Variants in CDC14A observed in about 807,000 individuals in gnomAD.
The protein encoded by CDC14A is cell division cycle 14A, also known as dual specificity protein phosphatase CDC14A.
Under a neutral mutation model 74.4 loss-of-function variants are expected in CDC14A, and 53 were observed. The observed-to-expected ratio is 0.71, with a 90% CI of 0.57 to 0.89. The LOEUF (loss-of-function observed/expected upper bound fraction) is 0.89. CDC14A is among the 40% of genes least tolerant of loss of function. The pLI is 0.00. For synonymous variants in CDC14A, 247 were observed against 258.4 expected, an observed-to-expected ratio of 0.96 and a Z score of 0.43; for missense variants, 646 against 713.7, an observed-to-expected ratio of 0.91 and a Z score of 1.08.
chr1:100,510,000 T>A (rs1340491883), intron 15 of CDC14A, among the ~76,000 whole-genome samples: 10 of 152,238 alleles, frequency 6.6e-5, no homozygotes, highest in Non-Finnish European at 1.3e-4. Flanking sequence ...CTCCTGAATC[T>A]TTATGGTTAA....
At chr1:100,370,136 A>G (rs1050341297) in intron 2 of CDC14A, among the ~76,000 whole-genome samples, 1 of 151,992 alleles carries the variant, frequency 6.6e-6, no homozygotes, top group Non-Finnish European at 1.5e-5. Context: ...GGCATGCACT[A>G]CCACACCCAG....
intron 3 of CDC14A, among the ~76,000 whole-genome samples, chr1:100,388,324 C>T (rs1013209475): frequency 3.9e-5 from 6 of 152,156 alleles, no homozygotes; most frequent in African/African-American, 1.4e-4. Context: ...ACCAACCAAC[C>T]ACCCAACAGA....
chr1:100,491,878 C>CTTTTTTTTT (rs1553196630), intron 11 of CDC14A, among the ~76,000 whole-genome samples: 129,172 of 141,930 alleles, frequency 0.91, 59,523 homozygotes, highest in Non-Finnish European at 0.98. Context: ...AGCCAGATAC[C>CTTTTTTTTT]TTTTTTTGAG....
rs1662668067 is a variant in CDC14A, at chr1:100,424,061, A to G, written c.310-161A>G. The G allele has an allele frequency of 6.7e-6, 4 of 598,640 alleles. No homozygotes were observed. In the Admixed American group the frequency reaches 7.8e-5, roughly 12 times the overall value. The allele number at this position is 598,640 out of a possible 1,614,324, so 37.1% of individuals were successfully genotyped here. Reference sequence around the variant, plus strand: ...AAGACAAAGGCTGCTGCGCAGCTTCATGCTGAAAAGGAAATGTTGGCAAGT... The same window carrying G: ...AAGACAAAGGCTGCTGCGCAGCTTCGTGCTGAAAAGGAAATGTTGGCAAGT... On this transcript the variant is annotated intron_variant, in intron 4 of 15. Transcript: ENST00000336454.
chr1:100,414,726 A>T (rs1222646324), intron 4 of CDC14A, among the ~76,000 whole-genome samples: 1 of 152,126 alleles, frequency 6.6e-6, no homozygotes, highest in African/African-American at 2.4e-5. Flanking sequence ...TTATATAAGG[A>T]CTACCTTTTG....
intron 2 of CDC14A, chr1:100,362,995 G>A (rs1242879185): frequency 6.6e-6 from 1 of 152,272 alleles, no homozygotes; most frequent in Non-Finnish European, 1.5e-5. Context: ...ACCGCAACAG[G>A]TTTTATAGTC....
intron 15 of CDC14A, among the ~76,000 whole-genome samples, chr1:100,506,807 T>C (rs949946423): frequency 1.3e-5 from 2 of 152,210 alleles, no homozygotes; most frequent in South Asian, 4.1e-4. Flanking sequence ...ACTAGGTCAA[T>C]AGAAAAGAGT....
chr1:100,384,080 G>C (rs1656518735), intron 3 of CDC14A, among the ~76,000 whole-genome samples: 1 of 152,118 alleles, frequency 6.6e-6, no homozygotes, highest in Admixed American at 6.5e-5. Flanking sequence ...CTCTCTCCAA[G>C]TTGCTGTGGC....
intron 8 of CDC14A, among the ~76,000 whole-genome samples, chr1:100,460,462 A>G (rs1249413520): frequency 2.6e-5 from 4 of 152,156 alleles, no homozygotes; most frequent in East Asian, 1.9e-4. Flanking sequence ...CAGGCATGCT[A>G]GCAACCCAGA....
upstream of CDC14A, chr1:100,351,627 TC>T: frequency 1.2e-6 from 1 of 827,074 alleles, no homozygotes; most frequent in Non-Finnish European, 1.9e-6. Context: ...TCCTGTTCCC[TC>T]CGCGCCCGCC....
At chr1:100,513,573 T>C (rs1649961897) in intron 15 of CDC14A, among the ~76,000 whole-genome samples, 1 of 152,204 alleles carries the variant, frequency 6.6e-6, no homozygotes, top group Non-Finnish European at 1.5e-5. Flanking sequence ...TTACATTCAT[T>C]TGCTGTCAAG....
chr1:100,473,842 C>T (rs1224521085), intron 10 of CDC14A, among the ~76,000 whole-genome samples: 2 of 152,056 alleles, frequency 1.3e-5, no homozygotes, highest in Non-Finnish European at 2.9e-5. Context: ...CCTTGTGTTT[C>T]CTTTTCTTCC....
chr1:100,378,652 A>G (rs1381671553), intron 3 of CDC14A, among the ~76,000 whole-genome samples: 1 of 152,244 alleles, frequency 6.6e-6, no homozygotes, highest in Non-Finnish European at 1.5e-5. Context: ...ACATGGAATT[A>G]TACCAAAAAG....
chr1:100,357,804 C>T (rs953455086), intron 2 of CDC14A, among the ~76,000 whole-genome samples: 5 of 150,780 alleles, frequency 3.3e-5, no homozygotes, highest in Non-Finnish European at 7.4e-5. Context: ...ACCTTAGAAG[C>T]GATTGTTTTT....
intron 4 of CDC14A, chr1:100,393,613 CT>C: frequency 1.5e-6 from 1 of 670,394 alleles, no homozygotes; most frequent in Non-Finnish European, 2.8e-6. Flanking sequence ...AGCACTGCAG[CT>C]GCTTCCTGCA....
intron 10 of CDC14A, 84 bp downstream of exon 10, chr1:100,468,178 G>A (rs1475999055): frequency 6.7e-7 from 1 of 1,492,578 alleles, no homozygotes; most frequent in Non-Finnish European, 9.2e-7. Flanking sequence ...GACCATGTCA[G>A]CCTGTGGTTA....
intron 2 of CDC14A, 60 bp from the exon 3 acceptor site, chr1:100,377,486 A>G: frequency 9.7e-7 from 1 of 1,034,534 alleles, no homozygotes; most frequent in Non-Finnish European, 1.5e-6. Flanking sequence ...ATGAACATTG[A>G]TGTTACTGAA....
At position 100,499,625 on chromosome 1, in the gene CDC14A, G is replaced by C. The variant is rs950701412; in HGVS notation, c.1755+363G>C. 7.2e-5 allele frequency among the ~76,000 whole-genome samples: 11 copies of C among 152,292 alleles called. No homozygotes were observed. The East Asian group carries it at 2.1e-3, about 29-fold the overall frequency. Reference sequence around the variant, plus strand: ...CTCTGAATATCTGGTGCTAAGCCAGGAGCTGATTCATACAGTGGATAGCAT... The same window carrying C: ...CTCTGAATATCTGGTGCTAAGCCAGCAGCTGATTCATACAGTGGATAGCAT... On this transcript the variant is annotated intron_variant, in intron 15 of 15. Coordinates refer to ENST00000336454, the MANE Select transcript of CDC14A (RefSeq NM_003672.4).
intron 4 of CDC14A, among the ~76,000 whole-genome samples, chr1:100,418,768 G>A (rs142941315): frequency 0.013 from 1,963 of 152,288 alleles, 43 homozygotes; most frequent in African/African-American, 0.045. Context: ...GCTTAGTTCC[G>A]TCTCTCAAGC....
Sources: gnomAD v4.1 joint callset for allele counts (sites outside exome capture counted in the v4.1 genomes callset) on GRCh38, gnomAD v4.1.1 for gene constraint, MANE v1.5 for transcripts, NCBI Gene and HGNC (gene_info 2026-07-23, HGNC 2026-07-21) for gene names.